The following ABCB8 variants were observed in gnomAD, a reference collection of about 807,000 sequenced individuals.
The protein encoded by ABCB8 is ATP binding cassette subfamily B member 8, also known as mitochondrial potassium channel ATP-binding subunit.
ABCB8 carries 52 observed loss-of-function variants against 73.0 expected under a neutral mutation model. The observed-to-expected ratio is 0.71, with a 90% confidence interval of 0.57 to 0.90. The LOEUF (loss-of-function observed/expected upper bound fraction) is 0.90, where lower values mean the gene tolerates loss of function less well. Ranked by LOEUF, ABCB8 falls within the 40% of genes least tolerant of loss-of-function variation. The probability of loss-of-function intolerance (pLI) is 0.00; values close to 1 mark genes in which losing one functional copy is unlikely to be tolerated. For synonymous variants in ABCB8, 428 were observed against 423.5 expected (o/e 1.01, Z -0.13); for missense variants, 909 against 974.6 (o/e 0.93, Z 0.90).
intron 9 of ABCB8, chr7:151,037,125 C>A (rs1422128551): frequency 1.4e-6 from 1 of 702,348 alleles, no homozygotes; most frequent in East Asian, 2.7e-5. Flanking sequence ...CAGCCCCTGG[C>A]ACCCACCATT....
chr7:151,043,857 C>A, intron 14 of ABCB8, 114 bp from the exon 15 acceptor site: 2 of 1,457,868 alleles, frequency 1.4e-6, no homozygotes, highest in South Asian at 1.3e-5. Context: ...GTGCACAGTG[C>A]TGAGAGGGGC....
rs1484524279 is a variant in ABCB8, at chr7:151,047,176, T to C, written c.*1827T>C. ...CAAAATGCCTCTGACACCAGATTTATATCTTCTGGGCGGCTTCTTTAAATC... is the reference window on the plus strand; with the variant it reads ...CAAAATGCCTCTGACACCAGATTTACATCTTCTGGGCGGCTTCTTTAAATC... On this transcript the variant is annotated 3_prime_UTR_variant, in exon 16 of 16. Transcript: ENST00000358849. 6.6e-6 allele frequency: 1 copy of C among 152,230 alleles called. No homozygotes were observed. The highest frequency in any genetic ancestry group is 1.5e-5 in the Non-Finnish European group (1 of 68,052). The allele number at this position is 152,230 out of a possible 1,614,324, so 9.4% of individuals were successfully genotyped here. A position where few individuals can be genotyped will look rare whatever the true frequency, so the allele number is the denominator to read the frequency against.
chr7:151,031,999 G>A (rs979290608), intron 1 of ABCB8, among the ~76,000 whole-genome samples: 1 of 152,126 alleles, frequency 6.6e-6, no homozygotes, highest in African/African-American at 2.4e-5. Context: ...CCAAGTCCAG[G>A]AGCTTTATAA....
chr7:151,034,856 G>A (rs762228130), intron 5 of ABCB8, 27 bp downstream of exon 5: 12 of 1,577,996 alleles, frequency 7.6e-6, no homozygotes, highest in Middle Eastern at 1.9e-4. Flanking sequence ...CCCCCACCAC[G>A]TCCACACACA....
chr7:151,036,173 G>T lies in ABCB8; in HGVS notation c.1111+3G>T. 1.2e-6 allele frequency: 2 copies of T among 1,601,140 alleles called. No homozygotes were observed. Among genetic ancestry groups the T allele is most frequent in the Non-Finnish European group, 1.7e-6 (2 of 1,170,694 alleles). ...GCTTTCCAACATCGCCTTCAACTGTGAGTGAGCCATTTGGGGGCTGGAGGG... is the reference window on the plus strand; with the variant it reads ...GCTTTCCAACATCGCCTTCAACTGTTAGTGAGCCATTTGGGGGCTGGAGGG... On this transcript the variant is annotated splice_donor_region_variant and intron_variant, in intron 8 of 15. Transcript: ENST00000358849.
In ABCB8 at chr7:151,040,540, A is replaced by G. The variant is rs774955604; in HGVS notation, c.1294A>G (p.Met432Val). 11 of 1,613,352 alleles carry G rather than the reference A, an allele frequency of 6.8e-6. No homozygotes were observed. The highest frequency in any genetic ancestry group is 9.3e-6 in the Non-Finnish European group (11 of 1,179,828). Residue 432 changes from methionine to valine, a missense_variant, in exon 11 of 16, where the codon ATG becomes GTG. Transcript: ENST00000358849. Reference sequence around the variant, plus strand: ...TGCAGGTGCCCGGGTCTTTGAGTACATGGCCCTGAACCCCTGCATCCCACT... The same window carrying G: ...TGCAGGTGCCCGGGTCTTTGAGTACGTGGCCCTGAACCCCTGCATCCCACT... ...LSAGARVFEY[M>V]ALNPCIPLSG...
intron 1 of ABCB8, chr7:151,031,128 T>G (rs1796149864): frequency 2.9e-6 from 2 of 687,828 alleles, no homozygotes; most frequent in Non-Finnish European, 5.0e-6. Context: ...CAGATTGTCC[T>G]GCACCTCTAA....
At position 151,046,294 on chromosome 7, in the gene ABCB8, T is replaced by C. The variant is rs926720541; in HGVS notation, c.*945T>C. ...AGCTACTGCAGAATCCAGTACAGAATCGGTCCAGGAGGGTGCGGCTGTGGA... is the reference window on the plus strand; with the variant it reads ...AGCTACTGCAGAATCCAGTACAGAACCGGTCCAGGAGGGTGCGGCTGTGGA... On this transcript the variant is annotated 3_prime_UTR_variant, in exon 16 of 16. Transcript: ENST00000358849. 6.6e-6 allele frequency: 1 copy of C among 152,284 alleles called. No individual in the cohort carries two copies. Among genetic ancestry groups the C allele is most frequent in the Admixed American group, 6.5e-5 (1 of 15,278 alleles). 9.4% of individuals were successfully genotyped at this position (152,284 alleles called of 1,614,324 possible).
chr7:151,040,928 G>A lies in ABCB8; in HGVS notation c.1483+6G>A. ...CGTGGGCCAGTCTGGCGGAGGTAAGGGGAGCCCACCACCTCTTCACCCTCT... is the reference window on the plus strand; with the variant it reads ...CGTGGGCCAGTCTGGCGGAGGTAAGAGGAGCCCACCACCTCTTCACCCTCT... On this transcript the variant is annotated splice_donor_region_variant and intron_variant, in intron 12 of 15. Transcript: ENST00000358849. 4 of 1,600,878 alleles carry A rather than the reference G, an allele frequency of 2.5e-6. 1 individual carries two copies. In the South Asian group the frequency reaches 4.5e-5, roughly 18 times the overall value.
intron 2 of ABCB8, 42 bp from the exon 3 acceptor site, chr7:151,034,231 C>T (rs768089045): frequency 6.4e-7 from 1 of 1,570,710 alleles, no homozygotes; most frequent in African/African-American, 1.3e-5. Flanking sequence ...AGGAGTGGCT[C>T]CCCCACTTAA....
intron 9 of ABCB8, chr7:151,037,590 C>A: frequency 2.1e-6 from 1 of 475,532 alleles, no homozygotes; most frequent in Non-Finnish European, 3.9e-6. Context: ...AACAGATCAT[C>A]AAAGGGTGAA....
chr7:151,036,654 G>T lies in ABCB8; in HGVS notation c.1217+5G>T, dbSNP rs776670700. On this transcript the variant is annotated splice_donor_5th_base_variant and intron_variant, in intron 9 of 15. Coordinates refer to ENST00000358849, the MANE Select transcript of ABCB8 (RefSeq NM_007188.5). Reference sequence around the variant, plus strand: ...GGCCTCCCAGACAGTGCAAAGGTAAGTGGGGGCCGTTCCCATTGCTACAGA... The same window carrying T: ...GGCCTCCCAGACAGTGCAAAGGTAATTGGGGGCCGTTCCCATTGCTACAGA... 1 of 1,595,732 alleles carries T rather than the reference G, an allele frequency of 6.3e-7. No homozygotes were observed. Among genetic ancestry groups the T allele is most frequent in the South Asian group, 1.1e-5 (1 of 89,006 alleles).
rs562893876 is a variant in ABCB8, at chr7:151,045,304, G to A, written c.2112G>A (p.Pro704=). ...ATGCCCCGAGGACAGCGGCCCCACCGCCCAAAAAGCCAGAAGGCCCCAGGA... is the reference window on the plus strand; with the variant it reads ...ATGCCCCGAGGACAGCGGCCCCACCACCCAAAAAGCCAGAAGGCCCCAGGA... ...ALDAPRTAAP[P]PKKPEGPRSH... The change falls in exon 16 of 16, where the codon CCG becomes CCA. Residue 704 remains proline, a synonymous_variant. Coordinates refer to ENST00000358849, the MANE Select transcript of ABCB8 (RefSeq NM_007188.5). The A allele has an allele frequency of 3.1e-5, 49 of 1,597,416 alleles. No individual in the cohort carries two copies. In the South Asian group the frequency reaches 4.3e-4, roughly 14 times the overall value.
rs1449041389 is a variant in ABCB8, at chr7:151,028,574, T to C, written c.59T>C (p.Leu20Pro). 6.2e-7 allele frequency: 1 copy of C among 1,613,944 alleles called. No individual in the cohort carries two copies. Among genetic ancestry groups the C allele is most frequent in the Non-Finnish European group, 8.5e-7 (1 of 1,180,010 alleles). ...GGTGGCCCATTCCCAGGCAGGCTGC[T>C]ACCGCCCCTCCGCTTCCAGACATTC... ...IRGGPFPGRL[L>P]PPLRFQTFSA... is the part of the protein sequence containing the mutation. Residue 20 changes from leucine to proline, a missense_variant, in exon 1 of 16, where the codon CTA (leucine) becomes CCA (proline). Physicochemically the swap from Leu to Pro is moderately conservative, Grantham distance 98. Transcript: ENST00000358849.
chr7:151,036,907 T>C (rs766388100), intron 9 of ABCB8: 3 of 741,722 alleles, frequency 4.0e-6, no homozygotes, highest in Admixed American at 1.8e-5. Flanking sequence ...AGAAGTTTCC[T>C]TGACAGGCTT....
chr7:151,043,578 G>A (rs1796528672), intron 14 of ABCB8, among the ~76,000 whole-genome samples: 1 of 142,794 alleles, frequency 7.0e-6, no homozygotes, highest in Admixed American at 6.9e-5. Flanking sequence ...GGACTAGGGT[G>A]CACAGTGTGG....
At chr7:151,035,167 A>G (rs1334947747) in intron 5 of ABCB8, among the ~76,000 whole-genome samples, 2 of 152,228 alleles carry the variant, frequency 1.3e-5, no homozygotes, top group Non-Finnish European at 2.9e-5. Context: ...GCTGACAAGC[A>G]TTGAGCATGT....
chr7:151,040,855 G>T lies in ABCB8; in HGVS notation c.1416G>T (p.Val472=), dbSNP rs1407953629. The T allele has an allele frequency of 6.2e-7, 1 of 1,602,222 alleles. No homozygotes were observed. The highest frequency in any genetic ancestry group is 8.5e-7 in the Non-Finnish European group (1 of 1,174,716). ...ACCCCTGCCGCCCCGGCTTCGAGGT[G>T]CTGAAAGACTTCACCCTGACGCTGC... ...FSYPCRPGFE[V]LKDFTLTLPP... The change falls in exon 12 of 16, where the codon GTG becomes GTT. Residue 472 remains valine (V), a synonymous_variant. Coordinates refer to ENST00000358849, the MANE Select transcript of ABCB8 (RefSeq NM_007188.5).
intron 13 of ABCB8, 73 bp from the exon 14 acceptor site, chr7:151,041,888 T>C: frequency 6.5e-7 from 1 of 1,545,920 alleles, no homozygotes; most frequent in Non-Finnish European, 8.8e-7. Context: ...CCATTGTGTA[T>C]GGTGGCCCCT....
Sources: gnomAD v4.1 joint callset for allele counts (sites outside exome capture counted in the v4.1 genomes callset) on GRCh38, gnomAD v4.1.1 for gene constraint, MANE v1.5 for transcripts, NCBI Gene and HGNC (gene_info 2026-07-23, HGNC 2026-07-21) for gene names.